Variants in USP24 observed in about 807,000 individuals in gnomAD.
The protein encoded by USP24 is ubiquitin carboxyl-terminal hydrolase 24.
A neutral mutation model predicts 361.6 loss-of-function variants in USP24; 97 were observed. The ratio of observed to expected loss-of-function variants is 0.27; its 90% CI spans 0.23 to 0.32. The LOEUF (loss-of-function observed/expected upper bound fraction) is 0.32, where lower values mean the gene tolerates loss of function less well. USP24 is among the 10% of genes least tolerant of loss of function. The pLI is 1.00. For missense variants in USP24, 2,353 were observed against 3,165.6 expected, an observed-to-expected ratio of 0.74 and a Z score of 6.16; for synonymous variants, 1,098 against 1,124.6, an observed-to-expected ratio of 0.98 and a Z score of 0.47.
intron 1 of USP24, among the ~76,000 whole-genome samples, chr1:55,214,501 T>C (rs377156110): frequency 9.2e-5 from 14 of 152,060 alleles, no homozygotes; most frequent in African/African-American, 2.9e-4. Context: ...TCGGCGTGCA[T>C]AGCCGGAAGC....
At chr1:55,117,948 T>C (rs970990676) in intron 38 of USP24, among the ~76,000 whole-genome samples, 2 of 152,092 alleles carry the variant, frequency 1.3e-5, no homozygotes. Flanking sequence ...AAAAGACTTG[T>C]ACAGTGAAAT....
chr1:55,107,862 A>AAAAC (rs1332478522), intron 39 of USP24, among the ~76,000 whole-genome samples: 10 of 149,344 alleles, frequency 6.7e-5, no homozygotes, highest in Non-Finnish European at 1.5e-4. Context: ...AAAAAAAAAA[A>AAAAC]AAAACACACA....
At chr1:55,154,956 G>A (rs1228384615) in intron 12 of USP24, among the ~76,000 whole-genome samples, 178 bp from the exon 13 acceptor site, 25 of 151,440 alleles carry the variant, frequency 1.7e-4, no homozygotes, top group Non-Finnish European at 8.8e-5. Flanking sequence ...ATTATTAATC[G>A]TTATCAGCTG....
At chr1:55,139,445 A>T (rs1310020993) in intron 24 of USP24, among the ~76,000 whole-genome samples, 1 of 152,228 alleles carries the variant, frequency 6.6e-6, no homozygotes, top group African/African-American at 2.4e-5. Context: ...AGACAAATGC[A>T]AATCAGTAAG....
chr1:55,072,715 AGATT>A, intron 65 of USP24, 67 bp downstream of exon 65: 1 of 1,430,186 alleles, frequency 7.0e-7, no homozygotes, highest in South Asian at 1.3e-5. Flanking sequence ...TCAGTTCTAG[AGATT>A]TTTCCTGACA....
intron 1 of USP24, among the ~76,000 whole-genome samples, chr1:55,211,620 T>C (rs1385814167): frequency 3.3e-5 from 5 of 152,312 alleles, no homozygotes; most frequent in South Asian, 2.1e-4. Context: ...CCTAACTAGC[T>C]ACATGACCTT....
intron 1 of USP24, among the ~76,000 whole-genome samples, chr1:55,210,090 G>A (rs1230803094): frequency 6.6e-6 from 1 of 152,082 alleles, no homozygotes; most frequent in African/African-American, 2.4e-5. Context: ...AACCTACTAT[G>A]ATTTCACTAA....
chr1:55,089,676 G>A lies in USP24; in HGVS notation c.6619C>T (p.Gln2207Ter). Residue 2207 changes from glutamine (Q) to a stop codon, truncating the protein, a stop_gained, in exon 55 of 68, where the codon CAG becomes TAG. Transcript: ENST00000294383. LOFTEE classifies it high-confidence loss of function. ...CTAATAAAATATTCAACTAACCACT[G>A]ACAAGCATCAAAACTTTTTGAAAGC... ...ALLSKSFDAC[Q>*]WLVEYFISSE... 6.2e-7 allele frequency: 1 copy of A among 1,604,726 alleles called. No homozygotes were observed. Among genetic ancestry groups the A allele is most frequent in the Non-Finnish European group, 8.5e-7 (1 of 1,175,018 alleles).
At chr1:55,153,396 A>G (rs143782311) in intron 16 of USP24, among the ~76,000 whole-genome samples, 63 of 152,306 alleles carry the variant, frequency 4.1e-4, no homozygotes, top group Non-Finnish European at 6.9e-4. Flanking sequence ...ATGACTGCCT[A>G]TAGAATTACT....
intron 44 of USP24, among the ~76,000 whole-genome samples, chr1:55,100,457 T>C (rs563027107): frequency 1.3e-5 from 2 of 151,032 alleles, no homozygotes; most frequent in African/African-American, 2.4e-5. Context: ...GATTGCGCCA[T>C]TGCACTCCAG....
rs200083233 is a variant in USP24 at position 55,143,632 on chromosome 1, CT to C, written c.2439+494del. On this transcript the variant is annotated intron_variant, in intron 21 of 67. Coordinates refer to ENST00000294383, the MANE Select transcript of USP24 (RefSeq NM_015306.3). ...GGACTTGGAAAAAGAGTTAATAAGC[CT>C]TTTTTTTTTTTAAAGGAGCATGTGT... is the stretch of plus-strand genomic sequence containing the variant. Among the ~76,000 whole-genome samples, 889 of 144,642 alleles carry C rather than the reference CT, an allele frequency of 6.1e-3. 2 individuals are homozygous for C. Among genetic ancestry groups the C allele is most frequent in the African/African-American group, 0.011 (442 of 39,832 alleles). 94.9% of individuals were successfully genotyped at this position (144,642 alleles called of 152,430 possible). A position where few individuals can be genotyped will look rare whatever the true frequency, so the allele number is the denominator to read the frequency against.
rs542802682 is a variant in USP24, at chr1:55,072,073, C to A, written c.7690-149G>T. On this transcript the variant is annotated intron_variant, in intron 66 of 67. Transcript: ENST00000294383. ...ATCACAGTCACCAGAACCCCCTCAACCCCTGTCCCTTTTTGTGACCAGACT... is the reference window on the plus strand; with the variant it reads ...ATCACAGTCACCAGAACCCCCTCAAACCCTGTCCCTTTTTGTGACCAGACT... 3.9e-6 allele frequency: 3 copies of A among 777,932 alleles called. No individual in the cohort carries two copies. In the East Asian group the frequency reaches 8.0e-5, roughly 21 times the overall value. The allele number at this position is 777,932 out of a possible 1,614,324, so 48.2% of individuals were successfully genotyped here.
At chr1:55,132,241 G>A (rs986974818) in intron 31 of USP24, among the ~76,000 whole-genome samples, 4 of 152,148 alleles carry the variant, frequency 2.6e-5, no homozygotes, top group African/African-American at 9.7e-5. Flanking sequence ...CACCGAATCT[G>A]CTGGTGCCTT....
Position 55,073,808 on chromosome 1 carries a change from C to A in USP24, c.7526+20G>T, listed in dbSNP as rs1405640185. 3 of 1,553,790 alleles carry A rather than the reference C, an allele frequency of 1.9e-6. No homozygotes were observed. Among genetic ancestry groups the A allele is most frequent in the Non-Finnish European group, 2.6e-6 (3 of 1,146,460 alleles). On this transcript the variant is annotated intron_variant, in intron 64 of 67. Transcript: ENST00000294383. ...TAATTAAAACACCATTTCCTCCCTG[C>A]ATTTTAATTCAATACTTACTTTTGA...
intron 3 of USP24, 143 bp from the exon 4 acceptor site, chr1:55,172,663 G>A: frequency 1.2e-6 from 1 of 847,096 alleles, no homozygotes; most frequent in Non-Finnish European, 1.7e-6. Context: ...AAGACCCATA[G>A]CTGTAGTTCA....
At chr1:55,117,814 G>A (rs904561361) in intron 38 of USP24, among the ~76,000 whole-genome samples, 1 of 146,502 alleles carries the variant, frequency 6.8e-6, no homozygotes, top group Admixed American at 6.8e-5. Context: ...GCAGCATACA[G>A]AATCAACACA....
chr1:55,165,739 G>GT (rs1648764981), intron 7 of USP24, 146 bp downstream of exon 7: 1 of 541,340 alleles, frequency 1.8e-6, no homozygotes, highest in African/African-American at 2.0e-5. Flanking sequence ...CATTTCTTTG[G>GT]TTATCAGGAC....
chr1:55,143,039 A>G lies in USP24; in HGVS notation c.2520T>C (p.Asn840=). The change falls in exon 22 of 68, where the codon AAT becomes AAC. Residue 840 remains asparagine (N), a synonymous_variant. Transcript: ENST00000294383. The part of the protein sequence containing the change: ...AMESPDEEIA[N]EAIQLIINYS... ...AGTTTATGATTAGCTGAATAGCTTC[A>G]TTAGCAATTTCTTCATCAGGTGATT... is the stretch of plus-strand genomic sequence containing the variant. 6.5e-7 allele frequency: 1 copy of G among 1,532,872 alleles called. No individual in the cohort carries two copies. Among genetic ancestry groups the G allele is most frequent in the South Asian group, 1.3e-5 (1 of 78,528 alleles). The allele number at this position is 1,532,872 out of a possible 1,614,324, so 95.0% of individuals were successfully genotyped here.
intron 1 of USP24, among the ~76,000 whole-genome samples, chr1:55,187,200 T>G (rs1225475155): frequency 6.6e-6 from 1 of 152,110 alleles, no homozygotes; most frequent in Non-Finnish European, 1.5e-5. Flanking sequence ...TCATCTCAAG[T>G]GAAGCAGGAA....
Sources: gnomAD v4.1 joint callset for allele counts (sites outside exome capture counted in the v4.1 genomes callset) on GRCh38, gnomAD v4.1.1 for gene constraint, MANE v1.5 for transcripts, NCBI Gene and HGNC (gene_info 2026-07-23, HGNC 2026-07-21) for gene names.